The following AKR1C4 variants were observed in gnomAD, a reference collection of about 807,000 sequenced individuals.
AKR1C4 encodes the protein aldo-keto reductase family 1 member C4, also known as 3-alpha-HSD1.
Under a neutral mutation model 41.0 loss-of-function variants are expected in AKR1C4, and 44 were observed. The ratio of observed to expected loss-of-function variants is 1.07; its 90% CI spans 0.84 to 1.38. The LOEUF is 1.38. Ranked by LOEUF, AKR1C4 falls within the 40% of genes most tolerant of loss-of-function variation. The pLI is 0.00. For synonymous variants in AKR1C4, 165 were observed against 137.7 expected (o/e 1.20, Z -1.39); for missense variants, 438 against 387.9 (o/e 1.13, Z -1.09).
At chr10:5,215,382 TA>T (rs150164929) in intron 7 of AKR1C4, among the ~76,000 whole-genome samples, 37 of 152,024 alleles carry the variant, frequency 2.4e-4, no homozygotes, top group African/African-American at 8.7e-4. Flanking sequence ...TGTGCTGCTG[TA>T]AAAAAAATAC....
chr10:5,206,254 TCA>T lies in AKR1C4; in HGVS notation c.448-18_448-17del. On this transcript the variant is annotated intron_variant, in intron 4 of 8. Coordinates refer to ENST00000263126, the MANE Select transcript of AKR1C4 (RefSeq NM_001818.5). ...TGCAGCCAACTGCACAAATAATTCCTCACAACCCCTTTCTCCCCAGGTCATGG... is the reference window on the plus strand; with the variant it reads ...TGCAGCCAACTGCACAAATAATTCCTCAACCCCTTTCTCCCCAGGTCATGG... 1 of 1,613,918 alleles carries T rather than the reference TCA, an allele frequency of 6.2e-7. No homozygotes were observed. The highest frequency in any genetic ancestry group is 8.5e-7 in the Non-Finnish European group (1 of 1,179,872).
chr10:5,196,854 A>G lies in AKR1C4; in HGVS notation c.-14A>G, dbSNP rs1832317159. The G allele has an allele frequency of 6.2e-7, 1 of 1,613,696 alleles. No homozygotes were observed. On this transcript the variant is annotated 5_prime_UTR_variant, in exon 1 of 9. Coordinates refer to ENST00000263126, the MANE Select transcript of AKR1C4 (RefSeq NM_001818.5). ...AAGGAAACAGGATCTGCTTAGTGAA[A>G]GAAGTGGCAAGCAATGGATCCCAAA...
chr10:5,203,474 C>A (rs1832433970), intron 2 of AKR1C4, among the ~76,000 whole-genome samples: 1 of 152,166 alleles, frequency 6.6e-6, no homozygotes, highest in Admixed American at 6.5e-5. Flanking sequence ...AGCTTTGGGC[C>A]TGGGTAGGGT....
intron 5 of AKR1C4, 105 bp from the exon 6 acceptor site, chr10:5,212,511 A>T (rs1265040256): frequency 6.8e-6 from 7 of 1,030,386 alleles, no homozygotes; most frequent in Non-Finnish European, 8.3e-6. Flanking sequence ...TGACAGTAAT[A>T]TTCTGTTCAA....
intron 1 of AKR1C4, among the ~76,000 whole-genome samples, chr10:5,198,283 T>C (rs1467349279): frequency 3.9e-5 from 6 of 152,322 alleles, no homozygotes; most frequent in South Asian, 2.1e-4. Flanking sequence ...CTAATGGCTG[T>C]GTAGAAAGGA....
Position 5,218,703 on chromosome 10 carries a change from C to T in AKR1C4, c.930-15C>T. ...CATTTCATCCATATTTATGTACTATCCTTTCTCTTTTCAGTCTTATGGACC... is the reference window on the plus strand; with the variant it reads ...CATTTCATCCATATTTATGTACTATTCTTTCTCTTTTCAGTCTTATGGACC... On this transcript the variant is annotated splice_polypyrimidine_tract_variant and intron_variant, in intron 8 of 8. Coordinates refer to ENST00000263126, the MANE Select transcript of AKR1C4 (RefSeq NM_001818.5). The T allele has an allele frequency of 1.3e-6, 2 of 1,575,108 alleles. No homozygotes were observed. Among genetic ancestry groups the T allele is most frequent in the East Asian group, 2.2e-5 (1 of 44,678 alleles).
chr10:5,207,256 G>A (rs1012429094), intron 5 of AKR1C4: 1 of 217,856 alleles, frequency 4.6e-6, no homozygotes, highest in Non-Finnish European at 9.5e-6. Flanking sequence ...TTTGAACTGT[G>A]CTAGAAGAAC....
intron 1 of AKR1C4, among the ~76,000 whole-genome samples, chr10:5,197,892 T>C (rs1360764602): frequency 6.6e-6 from 1 of 152,144 alleles, no homozygotes; most frequent in African/African-American, 2.4e-5. Context: ...TTGGTAAACC[T>C]TGAGTGCCTG....
At chr10:5,207,880 C>A in intron 5 of AKR1C4, 1 of 243,400 alleles carries the variant, frequency 4.1e-6, no homozygotes. Flanking sequence ...ATTGAACAAT[C>A]AGATGCCCAA....
intron 2 of AKR1C4, among the ~76,000 whole-genome samples, chr10:5,203,013 A>G (rs1832426019): frequency 6.7e-6 from 1 of 149,304 alleles, no homozygotes; most frequent in South Asian, 2.1e-4. Context: ...GTATTTGGTG[A>G]TACTGGCTTC....
intron 7 of AKR1C4, among the ~76,000 whole-genome samples, 162 bp from the exon 8 acceptor site, chr10:5,216,549 A>G (rs1554798517): frequency 1.3e-5 from 2 of 152,176 alleles, no homozygotes; most frequent in African/African-American, 4.8e-5. Flanking sequence ...TTTATCTGAT[A>G]TTCTTTAATC....
intron 5 of AKR1C4, among the ~76,000 whole-genome samples, chr10:5,207,949 C>A (rs1221750902): frequency 4.1e-5 from 6 of 146,558 alleles, no homozygotes; most frequent in African/African-American, 1.7e-4. Context: ...TCTCTTCTCC[C>A]TAGCCCACAA....
At chr10:5,214,222 G>C (rs12762017) in intron 7 of AKR1C4, among the ~76,000 whole-genome samples, 18,273 of 152,012 alleles carry the variant, frequency 0.12, 1,379 homozygotes, top group East Asian at 0.26. Flanking sequence ...GTCCATATTT[G>C]CTCACTTATC....
At position 5,204,385 on chromosome 10, in the gene AKR1C4, C is replaced by T. The variant is rs753701215; in HGVS notation, c.261C>T (p.Cys87=). The T allele has an allele frequency of 1.2e-6, 2 of 1,612,132 alleles. No individual in the cohort carries two copies. The highest frequency in any genetic ancestry group is 1.1e-5 in the South Asian group (1 of 90,944). Reference sequence around the variant, plus strand: ...TTTATTTTACCATGCAGCTTTGGTGCACTTTCTTTCAACCACAGATGGTCC... The same window carrying T: ...TTTATTTTACCATGCAGCTTTGGTGTACTTTCTTTCAACCACAGATGGTCC... ...EDIFYTSKLW[C]TFFQPQMVQP... Residue 87 remains cysteine (C), a synonymous_variant, in exon 3 of 9, where the codon TGC becomes TGT. Coordinates refer to ENST00000263126, the MANE Select transcript of AKR1C4 (RefSeq NM_001818.5).
At chr10:5,199,388 C>T (rs1242712950) in intron 1 of AKR1C4, among the ~76,000 whole-genome samples, 2 of 152,130 alleles carry the variant, frequency 1.3e-5, no homozygotes, top group African/African-American at 4.8e-5. Flanking sequence ...GGCTACGGCT[C>T]CACCGCCTCG....
chr10:5,216,738 GA>G lies in AKR1C4; in HGVS notation c.875del (p.Asp292ValfsTer2), dbSNP rs782103594. The G allele has an allele frequency of 1.9e-6, 3 of 1,612,128 alleles. No individual in the cohort carries two copies. In the South Asian group the frequency reaches 3.3e-5, roughly 18 times the overall value. The stretch of plus-strand genomic sequence containing the variant: ...TTTTGAATTCCAGTTGACATCAGAG[GA>G]TATGAAAGTTCTAGATGGTCTAAAC... ...QVFEFQLTSE[D>X]MKVLDGLNRN... On this transcript the variant is annotated frameshift_variant, in exon 8 of 9. Transcript: ENST00000263126. LOFTEE classifies it high-confidence loss of function.
At chr10:5,205,155 C>CT (rs113775538) in intron 3 of AKR1C4, among the ~76,000 whole-genome samples, 17,188 of 152,196 alleles carry the variant, frequency 0.11, 1,185 homozygotes, top group Admixed American at 0.17. Context: ...AAAATGTGAC[C>CT]TTTCTCCATA....
At chr10:5,198,821 G>C (rs1471891067) in intron 1 of AKR1C4, among the ~76,000 whole-genome samples, 2 of 151,992 alleles carry the variant, frequency 1.3e-5, no homozygotes, top group East Asian at 3.9e-4. Context: ...GGGTAACATA[G>C]GAAATCCCAT....
chr10:5,211,119 T>C (rs565868539), intron 5 of AKR1C4, among the ~76,000 whole-genome samples: 1 of 152,154 alleles, frequency 6.6e-6, no homozygotes, highest in Non-Finnish European at 1.5e-5. Flanking sequence ...AACCATTTTT[T>C]CCTCCTAGAC....
Sources: gnomAD v4.1 joint callset for allele counts (sites outside exome capture counted in the v4.1 genomes callset) on GRCh38, gnomAD v4.1.1 for gene constraint, MANE v1.5 for transcripts, NCBI Gene and HGNC (gene_info 2026-07-23, HGNC 2026-07-21) for gene names.